Variants in DGKB observed in about 807,000 individuals in gnomAD.
DGKB encodes 90 kDa diacylglycerol kinase.
A neutral mutation model predicts 114.3 loss-of-function variants in DGKB; 67 were observed. The ratio of observed to expected loss-of-function variants is 0.59; its 90% CI spans 0.48 to 0.72. The LOEUF (loss-of-function observed/expected upper bound fraction) is 0.72. Ranked by LOEUF, DGKB falls within the 30% of genes least tolerant of loss-of-function variation. The pLI is 0.00. For missense variants in DGKB, 907 were observed against 975.2 expected (o/e 0.93, Z 0.93); for synonymous variants, 398 against 323.1 (o/e 1.23, Z -2.49).
intron 23 of DGKB, among the ~76,000 whole-genome samples, chr7:14,213,930 C>T (rs1788543789): frequency 6.6e-6 from 1 of 152,116 alleles, no homozygotes; most frequent in Non-Finnish European, 1.5e-5. Flanking sequence ...TTTCAGTTTG[C>T]ATTTCCCTAG....
intron 23 of DGKB, among the ~76,000 whole-genome samples, chr7:14,210,078 G>T (rs934700987): frequency 6.6e-6 from 1 of 152,052 alleles, no homozygotes; most frequent in African/African-American, 2.4e-5. Context: ...GTGTTGGGGG[G>T]ATTGAACTGG....
At chr7:14,416,417 A>T (rs1825737015) in intron 21 of DGKB, among the ~76,000 whole-genome samples, 1 of 152,068 alleles carries the variant, frequency 6.6e-6, no homozygotes, top group African/African-American at 2.4e-5. Context: ...ATACCCTTCA[A>T]ATTGATTTAT....
In DGKB at chr7:14,965,360, G is replaced by C. The variant is rs28681483; in HGVS notation, c.-188+9336C>G. On this transcript the variant is annotated intron_variant, in intron 1 of 4. Transcript: ENST00000437998. ...TGGAACTAATATGCAAGTACGAGGA[G>C]GGGAATAGTTTTTAATACCCCAAGT... Among the ~76,000 whole-genome samples the C allele has an allele frequency of 1.5e-3, 221 of 152,120 alleles. 2 individuals carry two copies. Among genetic ancestry groups the C allele is most frequent in the African/African-American group, 5.0e-3 (206 of 41,502 alleles).
chr7:14,560,367 C>T (rs1796477688), intron 20 of DGKB, among the ~76,000 whole-genome samples: 1 of 151,982 alleles, frequency 6.6e-6, no homozygotes, highest in Admixed American at 6.5e-5. Flanking sequence ...TTTCCATTTC[C>T]CCCTCTTCCT....
upstream of DGKB, among the ~76,000 whole-genome samples, chr7:14,908,274 A>C (rs1157846494): frequency 6.6e-6 from 1 of 152,164 alleles, no homozygotes. Flanking sequence ...TACCCACTCT[A>C]ACCCTTGAGC....
chr7:14,872,578 T>C (rs1852636246), intron 1 of DGKB, among the ~76,000 whole-genome samples: 1 of 152,144 alleles, frequency 6.6e-6, no homozygotes, highest in Non-Finnish European at 1.5e-5. Flanking sequence ...ATGTAGTATT[T>C]TGGTGAATGT....
intron 6 of DGKB, among the ~76,000 whole-genome samples, chr7:14,704,060 AT>A (rs1825696790): frequency 7.3e-6 from 1 of 136,390 alleles, no homozygotes; most frequent in Admixed American, 6.8e-5. Context: ...CCCCATCATT[AT>A]TTTTTCTTCT....
In DGKB at chr7:14,644,965, G is replaced by A. The variant is rs145477271; in HGVS notation, c.1135-14697C>T. ...AGTGAAACCCAACCTTCCAGCAAAG[G>A]ACAGTTTAAAGCCTGAAAACCAAGC... On this transcript the variant is annotated intron_variant, in intron 13 of 25. Transcript: ENST00000402815. Among the ~76,000 whole-genome samples, 327 of 152,224 alleles carry A rather than the reference G, an allele frequency of 2.1e-3. 1 individual carries two copies. The highest frequency in any genetic ancestry group is 7.5e-3 in the African/African-American group (310 of 41,536).
At chr7:14,744,541 T>C (rs1238832724) in intron 4 of DGKB, among the ~76,000 whole-genome samples, 1 of 152,198 alleles carries the variant, frequency 6.6e-6, no homozygotes, top group Non-Finnish European at 1.5e-5. Flanking sequence ...ACCCAATTCA[T>C]AGGTATTTGA....
chr7:14,368,825 T>C (rs953269217), intron 21 of DGKB, among the ~76,000 whole-genome samples: 4 of 152,076 alleles, frequency 2.6e-5, no homozygotes, highest in Admixed American at 1.3e-4. Context: ...GAAAAGTAGG[T>C]AGGCACAGGA....
chr7:14,469,434 TGTG>T (rs1421867446), intron 21 of DGKB, among the ~76,000 whole-genome samples: 4 of 151,968 alleles, frequency 2.6e-5, no homozygotes, highest in African/African-American at 4.8e-5. Context: ...GAATAAAAAA[TGTG>T]GTGTGAAAGA....
At chr7:14,431,124 C>T (rs1430376205) in intron 21 of DGKB, among the ~76,000 whole-genome samples, 9 of 152,014 alleles carry the variant, frequency 5.9e-5, no homozygotes, top group Non-Finnish European at 1.2e-4. Context: ...GTGTTGCCTC[C>T]GGGTTTTCTC....
At chr7:14,554,168 G>A (rs1795542312) in intron 20 of DGKB, among the ~76,000 whole-genome samples, 1 of 151,818 alleles carries the variant, frequency 6.6e-6, no homozygotes, top group Non-Finnish European at 1.5e-5. Context: ...CACCACACCC[G>A]GCCTTCCTTT....
At chr7:14,935,516 G>T (rs1266957767) in intron 1 of DGKB, among the ~76,000 whole-genome samples, 1 of 152,184 alleles carries the variant, frequency 6.6e-6, no homozygotes, top group East Asian at 1.9e-4. Flanking sequence ...GTTATTTTCA[G>T]TCAGGTCATA....
intron 23 of DGKB, among the ~76,000 whole-genome samples, chr7:14,337,794 A>G (rs1810946588): frequency 6.6e-6 from 1 of 152,144 alleles, no homozygotes; most frequent in South Asian, 2.1e-4. Context: ...ATAGAATTAC[A>G]TACATAAACT....
chr7:14,913,329 T>C (rs1284560045), intron 1 of DGKB, among the ~76,000 whole-genome samples: 2 of 151,836 alleles, frequency 1.3e-5, no homozygotes, highest in African/African-American at 4.8e-5. Flanking sequence ...AGTTATTCTG[T>C]TTCCACCATT....
At chr7:14,180,488 A>G (rs1477693592) in intron 23 of DGKB, among the ~76,000 whole-genome samples, 1 of 152,182 alleles carries the variant, frequency 6.6e-6, no homozygotes, top group Non-Finnish European at 1.5e-5. Context: ...GACTTAGAAC[A>G]CCCAGGCTTT....
intron 1 of DGKB, among the ~76,000 whole-genome samples, chr7:14,960,919 G>C (rs913145689): frequency 1.3e-5 from 2 of 151,950 alleles, no homozygotes; most frequent in Non-Finnish European, 2.9e-5. Flanking sequence ...CCATGATCTC[G>C]GGCGTGGGCG....
At chr7:14,752,857 G>A (rs1834318887) in intron 4 of DGKB, among the ~76,000 whole-genome samples, 2 of 152,214 alleles carry the variant, frequency 1.3e-5, no homozygotes, top group Middle Eastern at 3.4e-3. Flanking sequence ...CTACATTAGA[G>A]TAAATGAAAA....
Sources: allele counts gnomAD v4.1 joint callset (sites outside exome capture counted in the v4.1 genomes callset), GRCh38; gene constraint gnomAD v4.1.1; transcripts MANE v1.5; gene names NCBI Gene and HGNC (gene_info 2026-07-23, HGNC 2026-07-21).